Variants in CPT2 observed in about 807,000 individuals in gnomAD.
The protein encoded by CPT2 is carnitine O-palmitoyltransferase 2, mitochondrial.
CPT2 carries 37 observed loss-of-function variants against 48.6 expected under a neutral mutation model. That is an observed-to-expected ratio of 0.76 (90% CI 0.59 to 1.00). The LOEUF (loss-of-function observed/expected upper bound fraction) is 1.00, where lower values mean the gene tolerates loss of function less well. Among genes scored for constraint, CPT2 ranks in the 50% least tolerant of loss-of-function variants. CPT2 has a pLI of 0.00. For synonymous variants in CPT2, 319 were observed against 326.9 expected (o/e 0.98, Z 0.26); for missense variants, 772 against 825.6 (o/e 0.94, Z 0.80).
Position 53,211,095 on chromosome 1 carries a change from C to A in CPT2, c.1421C>A (p.Ala474Asp). 5 of 1,614,128 alleles carry A rather than the reference C, an allele frequency of 3.1e-6. No individual in the cohort carries two copies. The highest frequency in any genetic ancestry group is 4.2e-6 in the Non-Finnish European group (5 of 1,180,016). ...GTTGCCCAGCTGGCATTCCAGATGG[C>A]CTTCCTGCGGCAGTACGGGCAGACA... ...DAVAQLAFQM[A>D]FLRQYGQTVA... The change falls in exon 4 of 5, where the codon GCC becomes GAC. Residue 474 changes from alanine to aspartate, a missense_variant. Physicochemically the swap from Ala to Asp is moderately radical, Grantham distance 126 (BLOSUM62 -2). Transcript: ENST00000371486.
intron 1 of CPT2, chr1:53,197,435 C>T (rs926939298): frequency 5.0e-6 from 2 of 403,348 alleles, no homozygotes; most frequent in Non-Finnish European, 9.2e-6. Flanking sequence ...TTTCCAGCGC[C>T]GCTGTAATCC....
In CPT2 at chr1:53,196,958, G is replaced by A. The variant is rs1443908294; in HGVS notation, c.15G>A (p.Leu5=). The A allele has an allele frequency of 2.6e-6, 4 of 1,538,358 alleles. No individual in the cohort carries two copies. The highest frequency in any genetic ancestry group is 3.5e-6 in the Non-Finnish European group (4 of 1,150,556). The part of the protein sequence containing the change: MVPR[L]LLRAWPRGPA... ...CTCCCGGGACGATGGTGCCCCGCCT[G>A]CTGCTGCGCGCCTGGCCCCGGGGCC... Residue 5 remains leucine (L), a synonymous_variant, in exon 1 of 5, where the codon CTG becomes CTA. Coordinates refer to ENST00000371486, the MANE Select transcript of CPT2 (RefSeq NM_000098.3).
At chr1:53,205,306 C>T (rs1236817262) in intron 3 of CPT2, among the ~76,000 whole-genome samples, 1 of 152,128 alleles carries the variant, frequency 6.6e-6, no homozygotes, top group African/African-American at 2.4e-5. Context: ...TTGTCCCTGT[C>T]CTAGAGATCT....
At chr1:53,212,560 C>T (rs949836061) in intron 4 of CPT2, among the ~76,000 whole-genome samples, 1 of 152,204 alleles carries the variant, frequency 6.6e-6, no homozygotes, top group African/African-American at 2.4e-5. Flanking sequence ...TCTAAACTTA[C>T]GGCCCCACTA....
At position 53,210,637 on chromosome 1, in the gene CPT2, A is replaced by C. The variant is rs1438452698; in HGVS notation, c.963A>C (p.Ala321=). 4 of 1,614,026 alleles carry C rather than the reference A, an allele frequency of 2.5e-6. No homozygotes were observed. Among genetic ancestry groups the C allele is most frequent in the Non-Finnish European group, 2.5e-6 (3 of 1,180,042 alleles). ...NEESLRKVDS[A]VFCLCLDDFP... ...AGAGCCTGAGGAAAGTGGACTCGGC[A>C]GTGTTCTGTCTCTGCCTAGATGACT... The change falls in exon 4 of 5, where the codon GCA becomes GCC. Residue 321 remains alanine (A), a synonymous_variant. Transcript: ENST00000371486.
chr1:53,212,300 T>C (rs754187602), intron 4 of CPT2, among the ~76,000 whole-genome samples: 3 of 152,054 alleles, frequency 2.0e-5, no homozygotes, highest in Non-Finnish European at 4.4e-5. Context: ...CCTGACCTCA[T>C]GATCTACCCG....
At chr1:53,206,580 G>A (rs1425802278) in intron 3 of CPT2, among the ~76,000 whole-genome samples, 1 of 152,258 alleles carries the variant, frequency 6.6e-6, no homozygotes, top group African/African-American at 2.4e-5. Flanking sequence ...GTGAGACATG[G>A]AGTCAAAGAT....
chr1:53,210,532 T>A lies in CPT2; in HGVS notation c.858T>A (p.Phe286Leu). Reference sequence around the variant, plus strand: ...CAGACAGCAGCCCCGCCCCCGAGTTTCCCCTGGCATACCTGACCAGTGAGA... The same window carrying A: ...CAGACAGCAGCCCCGCCCCCGAGTTACCCCTGGCATACCTGACCAGTGAGA... ...ILSDSSPAPE[F>L]PLAYLTSENR... The change falls in exon 4 of 5, where the codon TTT becomes TTA. Residue 286 changes from phenylalanine (F) to leucine (L), a missense_variant. Phe to Leu is a conservative substitution (Grantham distance 22, BLOSUM62 0). Coordinates refer to ENST00000371486, the MANE Select transcript of CPT2 (RefSeq NM_000098.3). 6.2e-7 allele frequency: 1 copy of A among 1,614,102 alleles called. No homozygotes were observed. Among genetic ancestry groups the A allele is most frequent in the Non-Finnish European group, 8.5e-7 (1 of 1,180,030 alleles).
chr1:53,202,234 C>A, intron 2 of CPT2, 89 bp from the exon 3 acceptor site: 1 of 1,039,788 alleles, frequency 9.6e-7, no homozygotes, highest in Non-Finnish European at 1.5e-6. Flanking sequence ...GTTGGGGACC[C>A]AAAACTCTAT....
In CPT2 at chr1:53,196,881, C is replaced by A; in HGVS notation, c.-63C>A. The A allele has an allele frequency of 6.6e-7, 1 of 1,522,362 alleles. No homozygotes were observed. Among genetic ancestry groups the A allele is most frequent in the South Asian group, 1.2e-5 (1 of 83,336 alleles). The allele number at this position is 1,522,362 out of a possible 1,614,324, so 94.3% of individuals were successfully genotyped here. On this transcript the variant is annotated 5_prime_UTR_variant, in exon 1 of 5. Coordinates refer to ENST00000371486, the MANE Select transcript of CPT2 (RefSeq NM_000098.3). ...CTTGGGCGCTAACGGCGGCGGCGGC[C>A]TTGTGTTTAGACTCCAGAACTCCCC... is the stretch of plus-strand genomic sequence containing the variant.
Position 53,210,141 on chromosome 1 carries a change from CTG to C in CPT2, c.469_470del (p.Val157PhefsTer27), listed in dbSNP as rs746113590. The C allele has an allele frequency of 1.2e-6, 2 of 1,614,130 alleles. No individual in the cohort carries two copies. The highest frequency in any genetic ancestry group is 1.7e-6 in the Non-Finnish European group (2 of 1,180,024). Reference sequence around the variant, plus strand: ...CAGCTCACCCGGGCAACCAACATGACTGTTTCTGCCATCCGGTTTCTGAAGAC... The same window carrying C: ...CAGCTCACCCGGGCAACCAACATGACTTTCTGCCATCCGGTTTCTGAAGAC... On this transcript the variant is annotated frameshift_variant, in exon 4 of 5. Transcript: ENST00000371486. LOFTEE classifies it high-confidence loss of function.
chr1:53,210,397 A>G lies in CPT2; in HGVS notation c.723A>G (p.Arg241=). The G allele has an allele frequency of 6.2e-7, 1 of 1,614,142 alleles. No individual in the cohort carries two copies. The highest frequency in any genetic ancestry group is 8.5e-7 in the Non-Finnish European group (1 of 1,180,032). ...RDELFTDDKA[R]HLLVLRKGNF... ...AACTCTTCACTGATGACAAGGCCAG[A>G]CACCTCCTGGTCCTAAGGAAAGGAA... is the stretch of plus-strand genomic sequence containing the variant. Residue 241 remains arginine, a synonymous_variant, in exon 4 of 5, where the codon AGA becomes AGG. Coordinates refer to ENST00000371486, the MANE Select transcript of CPT2 (RefSeq NM_000098.3).
rs767699548 is a variant in CPT2, at chr1:53,211,003, T to C, written c.1329T>C (p.Ile443=). ...ATGCCACCATGAAAACCCTCACTAT[T>C]GACTGCGTCCAGTTTCAGAGAGGAG... ...KFDATMKTLT[I]DCVQFQRGGK... Residue 443 remains isoleucine, a synonymous_variant, in exon 4 of 5, where the codon ATT becomes ATC. Transcript: ENST00000371486. 6 of 1,614,058 alleles carry C rather than the reference T, an allele frequency of 3.7e-6. No homozygotes were observed. The highest frequency in any genetic ancestry group is 5.1e-6 in the Non-Finnish European group (6 of 1,180,048).
At chr1:53,205,021 G>A (rs376682533) in intron 3 of CPT2, among the ~76,000 whole-genome samples, 1 of 152,162 alleles carries the variant, frequency 6.6e-6, no homozygotes, top group Admixed American at 6.5e-5. Flanking sequence ...GTACCAGGAG[G>A]GGGGCATTGC....
chr1:53,213,178 G>C, intron 4 of CPT2, 86 bp from the exon 5 acceptor site: 1 of 1,336,244 alleles, frequency 7.5e-7, no homozygotes, highest in Non-Finnish European at 1.1e-6. Flanking sequence ...GCTGTGAGGG[G>C]TATTCCTACC....
At chr1:53,206,806 T>G (rs2100267547) in intron 3 of CPT2, among the ~76,000 whole-genome samples, 1 of 152,340 alleles carries the variant, frequency 6.6e-6, no homozygotes, top group East Asian at 1.9e-4. Context: ...AGACTTTGGC[T>G]TGTAATTTTG....
At chr1:53,205,208 G>A (rs1030556051) in intron 3 of CPT2, among the ~76,000 whole-genome samples, 1 of 152,214 alleles carries the variant, frequency 6.6e-6, no homozygotes, top group Non-Finnish European at 1.5e-5. Context: ...AGTCCAGGCT[G>A]AGGTGGTCTC....
chr1:53,209,414 C>T (rs1645407077), intron 3 of CPT2: 1 of 155,332 alleles, frequency 6.4e-6, no homozygotes, highest in Admixed American at 6.3e-5. Context: ...TTCAAATGTC[C>T]ATTACCTGAT....
At chr1:53,211,365 C>T (rs949168140) in intron 4 of CPT2, 46 bp downstream of exon 4, 11 of 1,512,926 alleles carry the variant, frequency 7.3e-6, no homozygotes, top group East Asian at 2.4e-5. Flanking sequence ...GTCCTCAGTG[C>T]TTGGGTAAGC....
Sources: allele counts gnomAD v4.1 joint callset (sites outside exome capture counted in the v4.1 genomes callset), GRCh38; gene constraint gnomAD v4.1.1; transcripts MANE v1.5; gene names NCBI Gene and HGNC (gene_info 2026-07-23, HGNC 2026-07-21).